The following STARD9 variants were observed in gnomAD, a reference collection of about 807,000 sequenced individuals.
STARD9 encodes StAR related lipid transfer domain containing 9.
A neutral mutation model predicts 399.8 loss-of-function variants in STARD9; 346 were observed. The observed-to-expected ratio is 0.87, with a 90% CI of 0.79 to 0.95. STARD9 has a LOEUF of 0.95. Among genes scored for constraint, STARD9 ranks in the 40% least tolerant of loss-of-function variants. The probability of loss-of-function intolerance (pLI) is 0.00; values close to 1 mark genes in which losing one functional copy is unlikely to be tolerated. For synonymous variants in STARD9, 2,203 were observed against 2,143.5 expected (o/e 1.03, Z -0.77); for missense variants, 5,832 against 5,667.5 (o/e 1.03, Z -0.93).
intron 9 of STARD9, among the ~76,000 whole-genome samples, chr15:42,659,610 T>A (rs2059954526): frequency 6.6e-6 from 1 of 152,230 alleles, no homozygotes; most frequent in Non-Finnish European, 1.5e-5. Context: ...CACTGCAGCC[T>A]CTGCCTCCTG....
At chr15:42,712,514 A>G (rs2140397893) in intron 26 of STARD9, among the ~76,000 whole-genome samples, 1 of 152,126 alleles carries the variant, frequency 6.6e-6, no homozygotes, top group Non-Finnish European at 1.5e-5. Context: ...CTAGGGGTTG[A>G]ATTTCATTCT....
Position 42,695,070 on chromosome 15 carries a change from T to G in STARD9, c.12963-70T>G, listed in dbSNP as rs1044588189. 2.4e-6 allele frequency: 3 copies of G among 1,273,832 alleles called. No individual in the cohort carries two copies. The African/African-American group carries it at 4.5e-5, about 19-fold the overall frequency. The allele number at this position is 1,273,832 out of a possible 1,614,324, so 78.9% of individuals were successfully genotyped here. A position where few individuals can be genotyped will look rare whatever the true frequency, so the allele number is the denominator to read the frequency against. ...TTTAAGAAGGTGGTATCACCCAAGC[T>G]AGCCTTGGATGGACAGACCAGGACT... On this transcript the variant is annotated intron_variant, in intron 24 of 32. Coordinates refer to ENST00000290607, the MANE Select transcript of STARD9 (RefSeq NM_020759.3).
At chr15:42,637,692 T>C (rs891113298) in intron 4 of STARD9, among the ~76,000 whole-genome samples, 8 of 152,168 alleles carry the variant, frequency 5.3e-5, no homozygotes, top group African/African-American at 1.9e-4. Flanking sequence ...GTGATACATA[T>C]TCCTCTCATT....
At chr15:42,657,936 A>G (rs896204061) in intron 9 of STARD9, among the ~76,000 whole-genome samples, 3 of 152,224 alleles carry the variant, frequency 2.0e-5, no homozygotes, top group African/African-American at 7.2e-5. Flanking sequence ...AAGAACTTTG[A>G]TCTATATTTT....
chr15:42,647,985 A>G (rs1238107102), intron 7 of STARD9, among the ~76,000 whole-genome samples: 1 of 152,218 alleles, frequency 6.6e-6, no homozygotes, highest in African/African-American at 2.4e-5. Flanking sequence ...CCCAGACAAT[A>G]AACCTTTTGG....
intron 3 of STARD9, among the ~76,000 whole-genome samples, chr15:42,625,329 A>G (rs920748811): frequency 1.7e-4 from 24 of 139,206 alleles, no homozygotes; most frequent in African/African-American, 6.5e-4. Flanking sequence ...CCCCAGCCTT[A>G]AAGCTATTTT....
At chr15:42,625,484 C>T (rs982737309) in intron 3 of STARD9, among the ~76,000 whole-genome samples, 1 of 151,474 alleles carries the variant, frequency 6.6e-6, no homozygotes, top group Non-Finnish European at 1.5e-5. Flanking sequence ...ACACACGCCA[C>T]CACTCCCGGC....
intron 26 of STARD9, among the ~76,000 whole-genome samples, chr15:42,715,805 C>T (rs553857213): frequency 1.2e-4 from 19 of 152,204 alleles, no homozygotes; most frequent in African/African-American, 4.6e-4. Flanking sequence ...ACCGCCCGGC[C>T]CCCAAATTTT....
intron 3 of STARD9, among the ~76,000 whole-genome samples, chr15:42,619,721 G>A (rs138147686): frequency 1.3e-3 from 205 of 152,340 alleles, no homozygotes; most frequent in East Asian, 0.01. Context: ...TGTAAATACA[G>A]ATGAAGCTTT....
chr15:42,687,444 G>C lies in STARD9; in HGVS notation c.5866G>C (p.Val1956Leu). The change falls in exon 23 of 33, where the codon GTA (valine) becomes CTA (leucine). Residue 1956 changes from valine (V) to leucine (L), a missense_variant. Transcript: ENST00000290607. ...SLKSRSVDRR[V>L]SSPVMVAQGG... ...GAAATCCAGATCAGTAGATCGTAGAGTAAGCAGCCCAGTGATGGTGGCCCA... is the reference window on the plus strand; with the variant it reads ...GAAATCCAGATCAGTAGATCGTAGACTAAGCAGCCCAGTGATGGTGGCCCA... 1 of 1,537,202 alleles carries C rather than the reference G, an allele frequency of 6.5e-7. No individual in the cohort carries two copies. The highest frequency in any genetic ancestry group is 1.2e-5 in the South Asian group (1 of 84,064).
At chr15:42,615,776 A>T (rs943672853) in intron 3 of STARD9, among the ~76,000 whole-genome samples, 74 of 152,162 alleles carry the variant, frequency 4.9e-4, no homozygotes, top group African/African-American at 1.7e-3. Context: ...CAATTATTTT[A>T]AATAGTATTT....
chr15:42,718,205 A>G, intron 30 of STARD9, 26 bp downstream of exon 30: 2 of 1,525,078 alleles, frequency 1.3e-6, no homozygotes, highest in Non-Finnish European at 8.8e-7. Flanking sequence ...GAAGGCTTCC[A>G]TGGGGCCTAG....
At chr15:42,631,690 C>G (rs2059335678) in intron 3 of STARD9, among the ~76,000 whole-genome samples, 1 of 151,896 alleles carries the variant, frequency 6.6e-6, no homozygotes, top group Non-Finnish European at 1.5e-5. Context: ...TTCCAAAATT[C>G]CTCTTGTTAT....
intron 26 of STARD9, among the ~76,000 whole-genome samples, chr15:42,715,768 A>G (rs1192466228): frequency 6.6e-6 from 1 of 152,118 alleles, no homozygotes; most frequent in Non-Finnish European, 1.5e-5. Flanking sequence ...TTGGCCTCCC[A>G]AAGTGTTGGG....
rs2060766235 is a variant in STARD9, at chr15:42,693,475, G to A, written c.11897G>A (p.Ser3966Asn). The A allele has an allele frequency of 1.3e-6, 2 of 1,537,238 alleles. No homozygotes were observed. Among genetic ancestry groups the A allele is most frequent in the South Asian group, 1.2e-5 (1 of 84,060 alleles). Reference protein sequence around the residue: ...DELGGSQRGRSSLQRSNGRSF... With the variant: ...DELGGSQRGRNSLQRSNGRSF... ...TTAGGTGGCTCCCAGAGAGGTAGAA[G>A]TTCCTTACAAAGGAGTAATGGGAGA... Residue 3966 changes from serine (S) to asparagine (N), a missense_variant, in exon 23 of 33, where the codon AGT (serine) becomes AAT (asparagine). This residue lies in a region of STARD9 where 5,828 missense variants were observed against 5,651.1 expected (regional missense o/e 1.03). Coordinates refer to ENST00000290607, the MANE Select transcript of STARD9 (RefSeq NM_020759.3).
intron 20 of STARD9, 21 bp from the exon 21 acceptor site, chr15:42,681,401 C>T: frequency 1.3e-6 from 2 of 1,531,222 alleles, no homozygotes; most frequent in Middle Eastern, 1.8e-4. Context: ...CCTTGGGTAA[C>T]CTCAGCCGCT....
At chr15:42,677,139 C>T (rs973860241) in intron 20 of STARD9, among the ~76,000 whole-genome samples, 1 of 148,962 alleles carries the variant, frequency 6.7e-6, no homozygotes, top group Non-Finnish European at 1.5e-5. Context: ...TAGCACATGC[C>T]TGTAGTCCTA....
At chr15:42,643,934 C>T (rs554924721) in intron 7 of STARD9, among the ~76,000 whole-genome samples, 2 of 152,196 alleles carry the variant, frequency 1.3e-5, no homozygotes, top group Admixed American at 1.3e-4. Context: ...TTTTAACACT[C>T]AGGGATTTTC....
rs115582718 is a variant in STARD9, at chr15:42,704,789, A to G, written c.13284+8909A>G. ...CATGCATAATTCGGTCTCCTTCCCT[A>G]AAGTAGATGGTGTCTTTCTCTGTAC... On this transcript the variant is annotated intron_variant, in intron 26 of 32. Coordinates refer to ENST00000290607, the MANE Select transcript of STARD9 (RefSeq NM_020759.3). Among the ~76,000 whole-genome samples, 273 of 152,256 alleles carry G rather than the reference A, an allele frequency of 1.8e-3. 2 individuals carry two copies. The highest frequency in any genetic ancestry group is 4.6e-3 in the African/African-American group (191 of 41,546).
Sources: gnomAD v4.1 joint callset for allele counts (sites outside exome capture counted in the v4.1 genomes callset) on GRCh38, gnomAD v4.1.1 for gene constraint, gnomAD v4.1.1 regional missense constraint, MANE v1.5 for transcripts, NCBI Gene and HGNC (gene_info 2026-07-23, HGNC 2026-07-21) for gene names.